Variants in SERPINA3 observed in about 807,000 individuals in gnomAD.
SERPINA3 encodes serpin family A member 3.
SERPINA3 carries 32 observed loss-of-function variants against 26.8 expected under a neutral mutation model. That is an observed-to-expected ratio of 1.20 (90% CI 0.90 to 1.61). SERPINA3 has a LOEUF of 1.61. SERPINA3 is among the 40% of genes most tolerant of loss of function. The probability of loss-of-function intolerance (pLI) is 0.00; values close to 1 mark genes in which losing one functional copy is unlikely to be tolerated. For synonymous variants in SERPINA3, 252 were observed against 206.4 expected (o/e 1.22, Z -1.89); for missense variants, 632 against 517.9 (o/e 1.22, Z -2.14).
At chr14:94,620,088 G>C (rs1886144671) in intron 3 of SERPINA3, 1 of 325,586 alleles carries the variant, frequency 3.1e-6, no homozygotes, top group South Asian at 1.4e-4. Context: ...ATTGAGTAGA[G>C]GAGGATGAAA....
intron 2 of SERPINA3, 75 bp downstream of exon 2, chr14:94,615,159 A>G (rs1885947367): frequency 3.9e-6 from 6 of 1,537,886 alleles, no homozygotes; most frequent in Non-Finnish European, 5.4e-6. Context: ...CAATGGTGTT[A>G]TTAGGCAAAC....
At position 94,614,831 on chromosome 14, in the gene SERPINA3, C is replaced by T. The variant is rs139727514; in HGVS notation, c.390C>T (p.Ser130=). 4.3e-4 allele frequency: 690 copies of T among 1,614,174 alleles called. No individual in the cohort carries two copies. Among genetic ancestry groups the T allele is most frequent in the Non-Finnish European group, 5.4e-4 (638 of 1,180,038 alleles). ...QHLLRTLNQS[S]DELQLSMGNA... Reference sequence around the variant, plus strand: ...TCCTGCGCACCCTCAATCAGTCCAGCGATGAGCTGCAGCTGAGTATGGGAA... The same window carrying T: ...TCCTGCGCACCCTCAATCAGTCCAGTGATGAGCTGCAGCTGAGTATGGGAA... Residue 130 remains serine (S), a synonymous_variant, in exon 2 of 5, where the codon AGC becomes AGT. Coordinates refer to ENST00000393078, the MANE Select transcript of SERPINA3 (RefSeq NM_001085.5).
intron 2 of SERPINA3, 57 bp from the exon 3 acceptor site, chr14:94,619,138 G>T (rs1463372050): frequency 2.5e-6 from 4 of 1,605,978 alleles, no homozygotes; most frequent in Admixed American, 1.7e-5. Flanking sequence ...CGGAAGCAGG[G>T]TCGAGCAGGG....
chr14:94,618,924 C>T (rs1484050728), intron 2 of SERPINA3: 3 of 548,622 alleles, frequency 5.5e-6, no homozygotes, highest in African/African-American at 3.8e-5. Context: ...CCTAAACCTT[C>T]TTTCTCTCTT....
chr14:94,620,690 C>T (rs1486575227), intron 3 of SERPINA3, among the ~76,000 whole-genome samples: 1 of 152,160 alleles, frequency 6.6e-6, no homozygotes, highest in Non-Finnish European at 1.5e-5. Context: ...CAGGAGGGAG[C>T]CATGCATGTG....
At position 94,619,275 on chromosome 14, in the gene SERPINA3, C is replaced by A. The variant is rs140884476; in HGVS notation, c.724C>A (p.Pro242Thr). 14 of 1,614,006 alleles carry A rather than the reference C, an allele frequency of 8.7e-6. No homozygotes were observed. Among genetic ancestry groups the A allele is most frequent in the Non-Finnish European group, 1.2e-5 (14 of 1,180,012 alleles). The change falls in exon 3 of 5, where the codon CCC (proline) becomes ACC (threonine). Residue 242 changes from proline to threonine, a missense_variant. By Grantham distance (38) the Pro-to-Thr change is conservative. Transcript: ENST00000393078. ...YLSKKKWVMVPMMSLHHLTIP... is the reference protein window; with the variant it reads ...YLSKKKWVMVTMMSLHHLTIP... ...GAGCAAGAAAAAGTGGGTAATGGTG[C>A]CCATGATGAGTTTGCATCACCTGAC... is the stretch of plus-strand genomic sequence containing the variant.
intron 1 of SERPINA3, 31 bp downstream of exon 1, chr14:94,612,478 G>A (rs146090171): frequency 1.5e-5 from 19 of 1,303,796 alleles, no homozygotes; most frequent in Middle Eastern, 4.3e-4. Flanking sequence ...TCCTGGGAGC[G>A]GAGGAATCTG....
At position 94,619,254 on chromosome 14, in the gene SERPINA3, A is replaced by G. The variant is rs1423372931; in HGVS notation, c.703A>G (p.Lys235Glu). Reference sequence around the variant, plus strand: ...TCATCAGTCAAGGTTCTACTTGAGCAAGAAAAAGTGGGTAATGGTGCCCAT... The same window carrying G: ...TCATCAGTCAAGGTTCTACTTGAGCGAGAAAAAGTGGGTAATGGTGCCCAT... ...DTHQSRFYLS[K>E]KKWVMVPMMS... The change falls in exon 3 of 5, where the codon AAG becomes GAG. Residue 235 changes from lysine (K) to glutamate (E), a missense_variant. By Grantham distance (56) the Lys-to-Glu change is moderately conservative. Transcript: ENST00000393078. 1 of 1,614,126 alleles carries G rather than the reference A, an allele frequency of 6.2e-7. No individual in the cohort carries two copies. Among genetic ancestry groups the G allele is most frequent in the Admixed American group, 1.7e-5 (1 of 60,018 alleles).
chr14:94,614,891 G>C lies in SERPINA3; in HGVS notation c.450G>C (p.Leu150=). ...AMFVKEQLSL[L]DRFTEDAKRL... ...TTGTCAAAGAGCAACTCAGTCTGCT[G>C]GACAGGTTCACGGAGGATGCCAAGA... The change falls in exon 2 of 5, where the codon CTG becomes CTC. Residue 150 remains leucine (L), a synonymous_variant. Coordinates refer to ENST00000393078, the MANE Select transcript of SERPINA3 (RefSeq NM_001085.5). 4 of 1,614,200 alleles carry C rather than the reference G, an allele frequency of 2.5e-6. No individual in the cohort carries two copies. Among genetic ancestry groups the C allele is most frequent in the African/African-American group, 2.7e-5 (2 of 75,062 alleles).
intron 4 of SERPINA3, chr14:94,622,743 C>T (rs1886251878): frequency 3.7e-6 from 2 of 543,226 alleles, no homozygotes. Flanking sequence ...GGACACCATT[C>T]CACACTATAC....
chr14:94,619,513 A>G lies in SERPINA3; in HGVS notation c.917+45A>G, dbSNP rs758361849. On this transcript the variant is annotated intron_variant, in intron 3 of 4. Transcript: ENST00000393078. The stretch of plus-strand genomic sequence containing the variant: ...AAAGACCCCACATCTCTCCACGTCA[A>G]GGTCTCACCAATGTCCAGGGACAAG... 24 of 1,611,136 alleles carry G rather than the reference A, an allele frequency of 1.5e-5. No homozygotes were observed. In the East Asian group the frequency reaches 2.7e-4, roughly 18 times the overall value.
Position 94,623,897 on chromosome 14 carries a change from C to G in SERPINA3, c.*83C>G, listed in dbSNP as rs369884507. ...CTGGGTCTCTGGGCACAGCCTGGCC[C>G]CTGTGCACCGAGTGGCCATGGCATG... is the stretch of plus-strand genomic sequence containing the variant. On this transcript the variant is annotated 3_prime_UTR_variant, in exon 5 of 5. Transcript: ENST00000393078. 105 of 1,225,326 alleles carry G rather than the reference C, an allele frequency of 8.6e-5. No individual in the cohort carries two copies. The African/African-American group carries it at 1.3e-3, about 15-fold the overall frequency. 75.9% of individuals were successfully genotyped at this position (1,225,326 alleles called of 1,614,324 possible).
intron 1 of SERPINA3, 105 bp from the exon 2 acceptor site, chr14:94,614,329 A>C: frequency 8.7e-7 from 1 of 1,152,108 alleles, no homozygotes; most frequent in Non-Finnish European, 1.3e-6. Context: ...AAAGCTAGCA[A>C]GAGGCAGCAG....
In SERPINA3 at chr14:94,623,942, C is replaced by T. The variant is rs545302361; in HGVS notation, c.*128C>T. 19 of 833,436 alleles carry T rather than the reference C, an allele frequency of 2.3e-5. No individual in the cohort carries two copies. In the East Asian group the frequency reaches 4.4e-4, roughly 19 times the overall value. The allele number at this position is 833,436 out of a possible 1,614,324, so 51.6% of individuals were successfully genotyped here. A position where few individuals can be genotyped will look rare whatever the true frequency, so the allele number is the denominator to read the frequency against. The stretch of plus-strand genomic sequence containing the variant: ...GGCATGTGTGGCCCTGTCTGCTTAT[C>T]CTTGGAAGGTGACAGCGATTCCCTG... On this transcript the variant is annotated 3_prime_UTR_variant, in exon 5 of 5. Coordinates refer to ENST00000393078, the MANE Select transcript of SERPINA3 (RefSeq NM_001085.5).
chr14:94,614,773 CT>C lies in SERPINA3; in HGVS notation c.333del (p.Glu112ArgfsTer24). On this transcript the variant is annotated frameshift_variant, in exon 2 of 5. Transcript: ENST00000393078. LOFTEE classifies it high-confidence loss of function. ...CTCAAGTTCAACCTCACGGAGACTT[CT>C]GAGGCAGAAATTCACCAGAGCTTCC... ...KGLKFNLTETSEAEIHQSFQH... is the reference protein window; with the variant it reads ...KGLKFNLTETXEAEIHQSFQH... 3 of 1,614,210 alleles carry C rather than the reference CT, an allele frequency of 1.9e-6. No individual in the cohort carries two copies. The highest frequency in any genetic ancestry group is 2.5e-6 in the Non-Finnish European group (3 of 1,180,038).
chr14:94,614,829 A>G lies in SERPINA3; in HGVS notation c.388A>G (p.Ser130Gly), dbSNP rs1437009487. 1.2e-6 allele frequency: 2 copies of G among 1,614,164 alleles called. No individual in the cohort carries two copies. Among genetic ancestry groups the G allele is most frequent in the East Asian group, 2.2e-5 (1 of 44,876 alleles). The change falls in exon 2 of 5, where the codon AGC becomes GGC. Residue 130 changes from serine (S) to glycine (G), a missense_variant. Coordinates refer to ENST00000393078, the MANE Select transcript of SERPINA3 (RefSeq NM_001085.5). Reference protein sequence around the residue: ...QHLLRTLNQSSDELQLSMGNA... With the variant: ...QHLLRTLNQSGDELQLSMGNA... ...CCTCCTGCGCACCCTCAATCAGTCC[A>G]GCGATGAGCTGCAGCTGAGTATGGG...
intron 3 of SERPINA3, among the ~76,000 whole-genome samples, chr14:94,620,275 G>A (rs1886153070): frequency 1.3e-5 from 2 of 152,214 alleles, no homozygotes; most frequent in African/African-American, 4.8e-5. Flanking sequence ...AAGTGAGCTT[G>A]ATGTGGTCAA....
At chr14:94,621,148 C>T (rs371595635) in intron 3 of SERPINA3, among the ~76,000 whole-genome samples, 70 of 152,256 alleles carry the variant, frequency 4.6e-4, no homozygotes, top group African/African-American at 1.6e-3. Flanking sequence ...GATTGCCTGA[C>T]CCTCAGCCCC....
Position 94,614,431 on chromosome 14 carries a change from C to A in SERPINA3, c.-8-3C>A. 1 of 1,612,866 alleles carries A rather than the reference C, an allele frequency of 6.2e-7. No homozygotes were observed. The highest frequency in any genetic ancestry group is 1.1e-5 in the South Asian group (1 of 91,060). The stretch of plus-strand genomic sequence containing the variant: ...TGAGACTTAAAGGAGCTTTGCTTTT[C>A]AGAGTTGAGAATGGAGAGAATGTTA... On this transcript the variant is annotated splice_region_variant and splice_polypyrimidine_tract_variant and intron_variant, in intron 1 of 4. Transcript: ENST00000393078.
Sources: gnomAD v4.1 joint callset for allele counts (sites outside exome capture counted in the v4.1 genomes callset) on GRCh38, gnomAD v4.1.1 for gene constraint, MANE v1.5 for transcripts, NCBI Gene and HGNC (gene_info 2026-07-23, HGNC 2026-07-21) for gene names.